The following FLT1 variants were observed in gnomAD, a reference collection of about 807,000 sequenced individuals.
FLT1 encodes fms related receptor tyrosine kinase 1.
FLT1 carries 49 observed loss-of-function variants against 156.3 expected under a neutral mutation model. That is an observed-to-expected ratio of 0.31 (90% CI 0.25 to 0.40). The LOEUF is 0.40. Ranked by LOEUF, FLT1 falls within the 10% of genes least tolerant of loss-of-function variation. The pLI, the probability that FLT1 is intolerant of heterozygous loss-of-function variation, is 1.00. For synonymous variants in FLT1, 594 were observed against 583.8 expected (o/e 1.02, Z -0.25); for missense variants, 1,322 against 1,637.2 (o/e 0.81, Z 3.32).
intron 1 of FLT1, among the ~76,000 whole-genome samples, chr13:28,478,942 A>G (rs1880695210): frequency 6.6e-6 from 1 of 152,254 alleles, no homozygotes; most frequent in Non-Finnish European, 1.5e-5. Flanking sequence ...TGCTTTGTAT[A>G]TAAAAATGGA....
chr13:28,463,994 G>GT (rs1461038480), intron 3 of FLT1, among the ~76,000 whole-genome samples: 1 of 138,496 alleles, frequency 7.2e-6, no homozygotes, highest in African/African-American at 2.6e-5. Flanking sequence ...CATAGTAACT[G>GT]TTTCCTAAAT....
At chr13:28,459,308 C>G (rs1166768402) in intron 3 of FLT1, among the ~76,000 whole-genome samples, 1 of 151,038 alleles carries the variant, frequency 6.6e-6, no homozygotes, top group East Asian at 2.0e-4. Context: ...CCTGTCTGCA[C>G]TTGTGGCCTC....
intron 27 of FLT1, among the ~76,000 whole-genome samples, chr13:28,310,744 G>A (rs553368997): frequency 7.9e-5 from 12 of 152,226 alleles, no homozygotes; most frequent in African/African-American, 2.2e-4. Context: ...AACACAGCTC[G>A]CTTTGTTTGT....
intron 10 of FLT1, among the ~76,000 whole-genome samples, chr13:28,415,159 TA>T (rs1389331847): frequency 6.6e-6 from 1 of 152,190 alleles, no homozygotes; most frequent in Non-Finnish European, 1.5e-5. Flanking sequence ...TCTTCAAAGA[TA>T]GGCACAAATA....
At chr13:28,458,947 AC>A (rs772150615) in intron 3 of FLT1, among the ~76,000 whole-genome samples, 1 of 151,302 alleles carries the variant, frequency 6.6e-6, no homozygotes, top group Non-Finnish European at 1.5e-5. Context: ...ATTGCAAACA[AC>A]ATCATCAGTG....
rs189867411 is a variant in FLT1 at position 28,387,190 on chromosome 13, C to T, written c.1970-2159G>A. ...AAGGCTGCAGAACGTACATGGGACT[C>T]TCAATTAAATACAAGGTTCACATAA... is the stretch of plus-strand genomic sequence containing the variant. On this transcript the variant is annotated intron_variant, in intron 13 of 29. Coordinates refer to ENST00000282397, the MANE Select transcript of FLT1 (RefSeq NM_002019.4). 5.5e-4 allele frequency: 567 copies of T among 1,036,768 alleles called. 3 individuals are homozygous for T. The highest frequency in any genetic ancestry group is 5.2e-3 in the Admixed American group (93 of 17,740). The allele number at this position is 1,036,768 out of a possible 1,614,324, so 64.2% of individuals were successfully genotyped here.
chr13:28,485,778 T>C (rs965921658), intron 1 of FLT1, among the ~76,000 whole-genome samples: 3 of 152,080 alleles, frequency 2.0e-5, no homozygotes, highest in African/African-American at 7.2e-5. Context: ...GCTTCCACCA[T>C]CACACTCTTG....
rs376809298 is a variant in FLT1, at chr13:28,300,827, C to T, written c.*2340G>A. 2.6e-5 allele frequency: 6 copies of T among 233,096 alleles called. No individual in the cohort carries two copies. Among genetic ancestry groups the T allele is most frequent in the African/African-American group, 1.3e-4 (6 of 45,316 alleles). 14.4% of individuals were successfully genotyped at this position (233,096 alleles called of 1,614,324 possible). A position where few individuals can be genotyped will look rare whatever the true frequency, so the allele number is the denominator to read the frequency against. On this transcript the variant is annotated 3_prime_UTR_variant, in exon 30 of 30. Transcript: ENST00000282397. ...CTTTGTTAGTGCCAACCATTTTTGT[C>T]ATAAATGGCAAATGATTGGAATATT... is the stretch of plus-strand genomic sequence containing the variant.
chr13:28,449,831 T>A (rs1878829186), intron 3 of FLT1, among the ~76,000 whole-genome samples: 1 of 152,232 alleles, frequency 6.6e-6, no homozygotes, highest in Admixed American at 6.5e-5. Context: ...GTTTTGTTTG[T>A]TTTGCATTGC....
intron 10 of FLT1, among the ~76,000 whole-genome samples, chr13:28,417,671 G>A (rs1278601504): frequency 6.9e-6 from 1 of 144,966 alleles, no homozygotes; most frequent in Non-Finnish European, 1.5e-5. Flanking sequence ...CCTTAATTCC[G>A]TTTTTTTTTT....
intron 1 of FLT1, among the ~76,000 whole-genome samples, chr13:28,473,796 A>G (rs1472571037): frequency 7.9e-6 from 1 of 126,136 alleles, no homozygotes; most frequent in Admixed American, 8.2e-5. Context: ...GAAAGAAAGA[A>G]AGAAAGAAAG....
rs199671822 is a variant in FLT1, at chr13:28,410,478, T to G, written c.1437-4584A>C. The stretch of plus-strand genomic sequence containing the variant: ...CCAAGACTCCTATAGCAATCCAGTA[T>G]AAAATTCTCATTTCATAAATGATTT... On this transcript the variant is annotated intron_variant, in intron 10 of 29. Transcript: ENST00000282397. 1.4e-4 allele frequency among the ~76,000 whole-genome samples: 22 copies of G among 152,378 alleles called. No homozygotes were observed. The East Asian group carries it at 3.9e-3, about 27-fold the overall frequency.
At chr13:28,383,665 T>G (rs553185014) in intron 14 of FLT1, among the ~76,000 whole-genome samples, 50 of 147,980 alleles carry the variant, frequency 3.4e-4, no homozygotes, top group Non-Finnish European at 6.9e-4. Context: ...CTGTCTCAAT[T>G]TAAAAAAAAA....
intron 29 of FLT1, 39 bp downstream of exon 29, chr13:28,306,639 C>T (rs1870761302): frequency 7.2e-7 from 1 of 1,395,670 alleles, no homozygotes; most frequent in Admixed American, 1.7e-5. Context: ...CCTCGTACCC[C>T]TCCATCAACT....
intron 29 of FLT1, among the ~76,000 whole-genome samples, chr13:28,305,743 C>T (rs1870716076): frequency 6.6e-6 from 1 of 152,210 alleles, no homozygotes; most frequent in Non-Finnish European, 1.5e-5. Flanking sequence ...CCAACACAAA[C>T]TCGTAAACTT....
chr13:28,391,760 T>C (rs1250773966), intron 12 of FLT1, among the ~76,000 whole-genome samples: 1 of 152,184 alleles, frequency 6.6e-6, no homozygotes, highest in Admixed American at 6.5e-5. Flanking sequence ...CCCCATGAGC[T>C]CTTCCCCTCC....
chr13:28,445,984 A>G (rs1251930042), intron 3 of FLT1, among the ~76,000 whole-genome samples: 3 of 152,108 alleles, frequency 2.0e-5, no homozygotes, highest in Non-Finnish European at 4.4e-5. Flanking sequence ...TTTTTCAGGA[A>G]TGCAAGATTG....
intron 11 of FLT1, among the ~76,000 whole-genome samples, chr13:28,399,627 T>C (rs562110906): frequency 6.6e-6 from 1 of 152,214 alleles, no homozygotes; most frequent in Non-Finnish European, 1.5e-5. Context: ...TCCAAATTTA[T>C]GTATAATCAG....
Position 28,322,323 on chromosome 13 carries a change from T to C in FLT1, c.2990A>G (p.Glu997Gly), listed in dbSNP as rs1871493696. Reference protein sequence around the residue: ...DGFYKEPITMEDLISYSFQVA... With the variant: ...DGFYKEPITMGDLISYSFQVA... ...TTGAAAACTGTAAGAAATCAGATCT[T>C]CCATAGTGATGGGCTCCTTGTAGAA... is the stretch of plus-strand genomic sequence containing the variant. The change falls in exon 22 of 30, where the codon GAA (glutamate) becomes GGA (glycine). Residue 997 changes from glutamate (E) to glycine (G), a missense_variant. Physicochemically the swap from Glu to Gly is moderately conservative, Grantham distance 98 (BLOSUM62 -2). Around this residue, in one of 3 missense-constraint regions of FLT1, gnomAD observed 991 missense variants for 1,254.8 expected, o/e 0.79. Coordinates refer to ENST00000282397, the MANE Select transcript of FLT1 (RefSeq NM_002019.4). The surrounding 1 kb of genome is among the most constrained non-coding windows in gnomAD (Gnocchi z 4.3). 6.2e-7 allele frequency: 1 copy of C among 1,613,316 alleles called. No homozygotes were observed. Among genetic ancestry groups the C allele is most frequent in the African/African-American group, 1.3e-5 (1 of 75,020 alleles).
Sources: allele counts gnomAD v4.1 joint callset (sites outside exome capture counted in the v4.1 genomes callset), GRCh38; gene constraint gnomAD v4.1.1; regional missense constraint gnomAD v4.1.1; non-coding constraint Gnocchi (gnomAD v3.1); transcripts MANE v1.5; gene names NCBI Gene and HGNC (gene_info 2026-07-23, HGNC 2026-07-21).